Variants in ZNF69 observed in about 807,000 individuals in gnomAD.
ZNF69 encodes the protein ZNF3.
A neutral mutation model predicts 50.9 loss-of-function variants in ZNF69; 47 were observed. That is an observed-to-expected ratio of 0.92 (90% confidence interval 0.73 to 1.18). ZNF69 has a LOEUF of 1.18. Among genes scored for constraint, ZNF69 ranks in the 50% most tolerant of loss-of-function variants. The pLI is 0.00. For missense variants in ZNF69, 717 were observed against 675.1 expected, an observed-to-expected ratio of 1.06 and a Z score of -0.69; for synonymous variants, 216 against 223.1, an observed-to-expected ratio of 0.97 and a Z score of 0.29.
the ZNF69 span, chr19:11,977,463 C>G: frequency 2.5e-6 from 4 of 1,608,780 alleles, no homozygotes; most frequent in Non-Finnish European, 3.4e-6. Context: ...AGCAGTGTCT[C>G]TAGATGATTT....
the ZNF69 span, chr19:11,949,402 C>T: frequency 1.1e-4 from 173 of 1,612,350 alleles, no homozygotes; most frequent in African/African-American, 2.1e-3. Context: ...ATCTACCTCA[C>T]ACCTTCGAGT....
At chr19:11,927,324 C>T in the ZNF69 span, among the ~76,000 whole-genome samples, 59 of 151,988 alleles carry the variant, frequency 3.9e-4, no homozygotes, top group Non-Finnish European at 5.6e-4. Flanking sequence ...CACTGCACTC[C>T]AGTGTGGGTA....
At chr19:11,979,338 T>TCA in the ZNF69 span, 29,107 of 1,607,062 alleles carry the variant, frequency 0.018, 314 homozygotes, top group African/African-American at 0.027. Context: ...ATGGTAGGAC[T>TCA]CACTGGAGAG....
the ZNF69 span, among the ~76,000 whole-genome samples, chr19:11,973,167 G>A: frequency 3.9e-5 from 6 of 152,084 alleles, no homozygotes; most frequent in Middle Eastern, 3.4e-3. Context: ...AAAATCCCCT[G>A]TGCTCCTCCT....
At chr19:11,912,908 CT>C (rs1972478156) in intron 4 of ZNF69, among the ~76,000 whole-genome samples, 1 of 152,156 alleles carries the variant, frequency 6.6e-6, no homozygotes, top group South Asian at 2.1e-4. Context: ...AATTAAGAAG[CT>C]ATAATAGTAA....
At chr19:11,976,936 G>C in the ZNF69 span, 26 of 1,566,578 alleles carry the variant, frequency 1.7e-5, no homozygotes, top group Admixed American at 2.1e-4. Context: ...CCAAAGCAGG[G>C]AATAAATGTT....
the ZNF69 span, among the ~76,000 whole-genome samples, chr19:11,923,353 C>T: frequency 6.6e-6 from 1 of 152,200 alleles, no homozygotes; most frequent in South Asian, 2.1e-4. Context: ...TTTCACGTCC[C>T]GATTGGGCTT....
chr19:11,968,723 T>A, the ZNF69 span, among the ~76,000 whole-genome samples: 25 of 152,100 alleles, frequency 1.6e-4, no homozygotes, highest in African/African-American at 5.8e-4. Context: ...ACTATAGAGA[T>A]CAGTAGTAGA....
the ZNF69 span, among the ~76,000 whole-genome samples, chr19:11,927,046 AAG>A: frequency 1.3e-5 from 2 of 152,260 alleles, no homozygotes; most frequent in East Asian, 1.9e-4. Context: ...GTGCAGTGAG[AAG>A]AGAGTTTATT....
At chr19:11,896,489 T>C (rs1282754876) in intron 1 of ZNF69, among the ~76,000 whole-genome samples, 3 of 152,098 alleles carry the variant, frequency 2.0e-5, no homozygotes, top group Admixed American at 6.6e-5. Context: ...CTGGCAGATC[T>C]AGTGTCTGGT....
the ZNF69 span, chr19:11,961,726 C>T: frequency 6.6e-6 from 1 of 152,150 alleles, no homozygotes; most frequent in South Asian, 2.1e-4. Context: ...AGGGATTCTC[C>T]TGCCTCAGCC....
the ZNF69 span, among the ~76,000 whole-genome samples, chr19:11,928,743 A>AG: frequency 7.0e-6 from 1 of 143,516 alleles, no homozygotes; most frequent in East Asian, 2.0e-4. Context: ...AAAAAAAAAA[A>AG]AAAAAAAAGA....
chr19:11,907,549 C>G (rs949986273), downstream of ZNF69, among the ~76,000 whole-genome samples: 2 of 152,124 alleles, frequency 1.3e-5, no homozygotes, highest in Non-Finnish European at 2.9e-5. Context: ...AATTTTCAAC[C>G]CAGAATTTCA....
At chr19:11,947,968 T>C in the ZNF69 span, among the ~76,000 whole-genome samples, 2 of 152,174 alleles carry the variant, frequency 1.3e-5, no homozygotes, top group South Asian at 4.1e-4. Context: ...TATGATGATA[T>C]CACTGTACTC....
downstream of ZNF69, among the ~76,000 whole-genome samples, chr19:11,915,139 G>A (rs1372977687): frequency 6.6e-6 from 1 of 152,152 alleles, no homozygotes. Flanking sequence ...GGAGACAGAG[G>A]TTACAGTGAA....
At chr19:11,948,513 A>G in the ZNF69 span, 2 of 1,612,736 alleles carry the variant, frequency 1.2e-6, no homozygotes, top group Non-Finnish European at 8.5e-7. Flanking sequence ...GACCAAAGCC[A>G]TATAAGTGTC....
chr19:11,943,698 A>G, the ZNF69 span, among the ~76,000 whole-genome samples: 1 of 152,226 alleles, frequency 6.6e-6, no homozygotes. Flanking sequence ...ATAACTAGAA[A>G]ACCGAAAGAT....
chr19:11,911,565 T>G (rs1314455642), downstream of ZNF69, among the ~76,000 whole-genome samples: 9 of 151,940 alleles, frequency 5.9e-5, no homozygotes, highest in Admixed American at 1.3e-4. Context: ...GAGCAAACTA[T>G]AACAAGGACA....
the ZNF69 span, among the ~76,000 whole-genome samples, chr19:11,945,754 C>T: frequency 1.4e-4 from 22 of 152,048 alleles, 1 homozygote; most frequent in Middle Eastern, 3.4e-3. Flanking sequence ...ACTCCCTTTC[C>T]GGGTAACTTT....
Sources: allele counts gnomAD v4.1 joint callset (sites outside exome capture counted in the v4.1 genomes callset), GRCh38; gene constraint gnomAD v4.1.1; transcripts MANE v1.5; gene names NCBI Gene and HGNC (gene_info 2026-07-23, HGNC 2026-07-21).